ADAM9: variants seen among roughly 807,000 people sequenced by gnomAD.
The protein encoded by ADAM9 is ADAM metallopeptidase domain 9, also known as disintegrin and metalloproteinase domain-containing protein 9.
ADAM9 carries 54 observed loss-of-function variants against 108.1 expected under a neutral mutation model. The observed-to-expected ratio is 0.50, with a 90% CI of 0.40 to 0.63. ADAM9 has a LOEUF of 0.63. Ranked by LOEUF, ADAM9 falls within the 20% of genes least tolerant of loss-of-function variation. The pLI, the probability that ADAM9 is intolerant of heterozygous loss-of-function variation, is 0.00. For missense variants in ADAM9, 830 were observed against 997.7 expected, an observed-to-expected ratio of 0.83 and a Z score of 2.26; for synonymous variants, 316 against 336.0, an observed-to-expected ratio of 0.94 and a Z score of 0.65.
At chr8:39,034,975 C>T (rs973739820) in intron 11 of ADAM9, among the ~76,000 whole-genome samples, 1 of 152,062 alleles carries the variant, frequency 6.6e-6, no homozygotes, top group Non-Finnish European at 1.5e-5. Flanking sequence ...TGATATTTTT[C>T]ATCAGTCGGA....
chr8:39,018,264 C>T (rs1730059767), intron 6 of ADAM9, among the ~76,000 whole-genome samples: 1 of 152,208 alleles, frequency 6.6e-6, no homozygotes, highest in Non-Finnish European at 1.5e-5. Flanking sequence ...CTGCTATCCA[C>T]TCTTTTGACT....
At chr8:39,043,773 C>A (rs1295502441) in intron 12 of ADAM9, among the ~76,000 whole-genome samples, 2 of 152,084 alleles carry the variant, frequency 1.3e-5, no homozygotes, top group Non-Finnish European at 2.9e-5. Flanking sequence ...CCCTCACACC[C>A]CTCCCATGCT....
intron 1 of ADAM9, among the ~76,000 whole-genome samples, chr8:39,001,779 T>C (rs182019423): frequency 6.6e-6 from 1 of 152,084 alleles, no homozygotes; most frequent in Non-Finnish European, 1.5e-5. Context: ...GCGATCCTTC[T>C]GCCTCAGCCT....
chr8:39,004,494 G>T (rs1836098331), intron 1 of ADAM9, among the ~76,000 whole-genome samples: 1 of 152,158 alleles, frequency 6.6e-6, no homozygotes, highest in Non-Finnish European at 1.5e-5. Flanking sequence ...GGATTACAGG[G>T]TTGAGCTACC....
rs145922862 is a variant in ADAM9, at chr8:39,049,696, C to T, written c.1303-4785C>T. Among the ~76,000 whole-genome samples the T allele has an allele frequency of 4.9e-3, 748 of 152,276 alleles. 9 individuals carry two copies. Among genetic ancestry groups the T allele is most frequent in the African/African-American group, 0.017 (713 of 41,546 alleles). ...TCAAGTGATCTGCCTGCCTCGGCCT[C>T]CCAAAGTGCTGGGATTACAGGCGTG... On this transcript the variant is annotated intron_variant, in intron 12 of 21. Coordinates refer to ENST00000487273, the MANE Select transcript of ADAM9 (RefSeq NM_003816.3).
intron 11 of ADAM9, among the ~76,000 whole-genome samples, chr8:39,030,564 T>A (rs1005945172): frequency 6.6e-6 from 1 of 152,236 alleles, no homozygotes; most frequent in Non-Finnish European, 1.5e-5. Context: ...AGTGTCCGTG[T>A]GCAGGGTTTT....
At chr8:39,039,457 A>G (rs1315558311) in intron 11 of ADAM9, among the ~76,000 whole-genome samples, 2 of 152,150 alleles carry the variant, frequency 1.3e-5, no homozygotes, top group African/African-American at 4.8e-5. Flanking sequence ...AATGTAATAC[A>G]ATATTATTAT....
At chr8:39,054,599 C>CTGT in intron 13 of ADAM9, 26 bp downstream of exon 13, 1 of 611,104 alleles carries the variant, frequency 1.6e-6, no homozygotes, top group Non-Finnish European at 2.2e-6. Flanking sequence ...CTTTTGGAAA[C>CTGT]AGGAAAAAAA....
chr8:39,005,250 CGTCATTAT>C (rs1231607616), intron 1 of ADAM9, among the ~76,000 whole-genome samples: 2 of 152,006 alleles, frequency 1.3e-5, no homozygotes, highest in Non-Finnish European at 2.9e-5. Context: ...AGTCACACAA[CGTCATTAT>C]GCTGAGGGCC....
intron 18 of ADAM9, among the ~76,000 whole-genome samples, chr8:39,089,618 T>C (rs1839286392): frequency 1.3e-5 from 2 of 152,348 alleles, no homozygotes; most frequent in South Asian, 4.1e-4. Context: ...TATAAGTGTT[T>C]ATCAGTAGGG....
At chr8:39,036,031 T>TG (rs1837262968) in intron 11 of ADAM9, among the ~76,000 whole-genome samples, 1 of 147,736 alleles carries the variant, frequency 6.8e-6, no homozygotes, top group Non-Finnish European at 1.5e-5. Flanking sequence ...TTTGTTTGGC[T>TG]TTTTTTTTTA....
chr8:39,063,542 C>G (rs1033126803), intron 14 of ADAM9, among the ~76,000 whole-genome samples: 1 of 152,050 alleles, frequency 6.6e-6, no homozygotes, highest in East Asian at 1.9e-4. Context: ...GCCAACATGG[C>G]GAAACCCTGT....
chr8:39,057,659 C>A (rs1226292750), intron 14 of ADAM9, among the ~76,000 whole-genome samples: 3 of 152,054 alleles, frequency 2.0e-5, no homozygotes, highest in Admixed American at 2.0e-4. Context: ...AAGCTGATGT[C>A]TCATTCCAAA....
At position 39,017,245 on chromosome 8, in the gene ADAM9, G is replaced by C; in HGVS notation, c.437G>C (p.Ser146Thr). The change falls in exon 6 of 22, where the codon AGT becomes ACT. Residue 146 changes from serine to threonine, a missense_variant. This residue lies in a region of ADAM9 where 211 missense variants were observed against 222.2 expected (regional missense o/e 0.95). Transcript: ENST00000487273. ...GGATTGCTGCATTTAGAGAATGCGAGTTATGGGATTGAACCCCTGCAGAAC... is the reference window on the plus strand; with the variant it reads ...GGATTGCTGCATTTAGAGAATGCGACTTATGGGATTGAACCCCTGCAGAAC... ...LRGLLHLENA[S>T]YGIEPLQNSS... The C allele has an allele frequency of 1.2e-6, 2 of 1,614,126 alleles. No homozygotes were observed. The highest frequency in any genetic ancestry group is 1.7e-6 in the Non-Finnish European group (2 of 1,180,008).
chr8:39,081,739 C>T (rs781380170), intron 16 of ADAM9, among the ~76,000 whole-genome samples: 4 of 152,082 alleles, frequency 2.6e-5, no homozygotes, highest in African/African-American at 7.2e-5. Context: ...ATCGATATTT[C>T]GTTGTAGGTT....
chr8:39,014,784 C>T (rs1044613666), intron 4 of ADAM9: 33 of 444,982 alleles, frequency 7.4e-5, no homozygotes, highest in African/African-American at 2.2e-4. Context: ...CTGTTGGTAG[C>T]GCACTTTTGC....
At chr8:39,014,667 C>A (rs7833611) in intron 4 of ADAM9, 517,121 of 654,002 alleles carry the variant, frequency 0.79, 205,645 homozygotes, top group East Asian at 0.94. Context: ...GGTATTATAC[C>A]TTTTTTTCTT....
intron 15 of ADAM9, chr8:39,076,187 T>C (rs937635910): frequency 1.3e-5 from 2 of 152,206 alleles, no homozygotes; most frequent in African/African-American, 4.8e-5. Context: ...AGCACTATGC[T>C]TCAAGAGGCA....
chr8:39,025,808 A>G lies in ADAM9; in HGVS notation c.920A>G (p.Lys307Arg), dbSNP rs1836901431. 3.1e-6 allele frequency: 5 copies of G among 1,614,034 alleles called. No homozygotes were observed. The Admixed American group carries it at 5.0e-5, about 16-fold the overall frequency. The stretch of plus-strand genomic sequence containing the variant: ...ACTTTTACATTTTCATTTAGAAAGA[A>G]AGGTTTTGGTGGAACTGCAGGAATG... ...RHDSAQLVLK[K>R]GFGGTAGMAF... Residue 307 changes from lysine (K) to arginine (R), a missense_variant, in exon 10 of 22, where the codon AAA becomes AGA. Coordinates refer to ENST00000487273, the MANE Select transcript of ADAM9 (RefSeq NM_003816.3).
Sources: allele counts gnomAD v4.1 joint callset (sites outside exome capture counted in the v4.1 genomes callset), GRCh38; gene constraint gnomAD v4.1.1; regional missense constraint gnomAD v4.1.1; transcripts MANE v1.5; gene names NCBI Gene and HGNC (gene_info 2026-07-23, HGNC 2026-07-21).